Variants in NPAS3 observed in about 807,000 individuals in gnomAD.
NPAS3 encodes the protein neuronal PAS domain-containing protein 3.
A neutral mutation model predicts 73.1 loss-of-function variants in NPAS3; 14 were observed. The observed-to-expected ratio is 0.19, with a 90% CI of 0.13 to 0.30. NPAS3 has a LOEUF of 0.30. Among genes scored for constraint, NPAS3 ranks in the 10% least tolerant of loss-of-function variants. The probability of loss-of-function intolerance (pLI) is 1.00; values close to 1 mark genes in which losing one functional copy is unlikely to be tolerated. For synonymous variants in NPAS3, 620 were observed against 541.5 expected (o/e 1.14, Z -2.01); for missense variants, 1,096 against 1,250.0 (o/e 0.88, Z 1.86).
chr14:33,330,757 A>G (rs1250903992), intron 3 of NPAS3, among the ~76,000 whole-genome samples: 1 of 151,646 alleles, frequency 6.6e-6, no homozygotes, highest in Non-Finnish European at 1.5e-5. Flanking sequence ...CAGGGACTAG[A>G]TTTTTATGGA....
intron 7 of NPAS3, among the ~76,000 whole-genome samples, chr14:33,760,701 A>G (rs544687979): frequency 4.4e-5 from 6 of 136,316 alleles, no homozygotes; most frequent in African/African-American, 1.7e-4. Flanking sequence ...CCTAAACCAA[A>G]CAAGTTAAAA....
At chr14:33,599,132 T>C (rs1237958742) in intron 5 of NPAS3, among the ~76,000 whole-genome samples, 5 of 152,188 alleles carry the variant, frequency 3.3e-5, no homozygotes. Flanking sequence ...CACATTTCCA[T>C]ATTTTTGCAT....
intron 5 of NPAS3, chr14:33,560,419 C>T (rs543228198): frequency 1.1e-4 from 46 of 426,684 alleles, no homozygotes; most frequent in Non-Finnish European, 1.7e-4. Flanking sequence ...ACTTTAGTTC[C>T]GCTCCCCACC....
intron 1 of NPAS3, among the ~76,000 whole-genome samples, chr14:33,044,672 G>A (rs749102612): frequency 5.4e-5 from 8 of 148,702 alleles, no homozygotes; most frequent in African/African-American, 1.2e-4. Context: ...TTTTTTTGGC[G>A]GGGAGGGCAG....
chr14:32,997,607 C>T (rs188769145), intron 1 of NPAS3, among the ~76,000 whole-genome samples: 29 of 152,208 alleles, frequency 1.9e-4, no homozygotes, highest in Admixed American at 9.8e-4. Flanking sequence ...CAAGCTCTCT[C>T]TTTTCCTGCT....
At chr14:32,947,135 A>T (rs1403532678) in intron 1 of NPAS3, among the ~76,000 whole-genome samples, 1 of 152,206 alleles carries the variant, frequency 6.6e-6, no homozygotes, top group Non-Finnish European at 1.5e-5. Context: ...AGATTTATAA[A>T]AATAATTTTC....
intron 3 of NPAS3, among the ~76,000 whole-genome samples, chr14:33,266,554 A>G (rs2040826210): frequency 6.6e-6 from 1 of 152,190 alleles, no homozygotes; most frequent in Non-Finnish European, 1.5e-5. Flanking sequence ...AATACAATTT[A>G]ATTATTGCCT....
intron 4 of NPAS3, among the ~76,000 whole-genome samples, chr14:33,420,227 T>A (rs17101067): frequency 0.014 from 2,154 of 152,030 alleles, 49 homozygotes; most frequent in African/African-American, 0.049. Context: ...AATTTCCTCA[T>A]CCTGGTGTTT....
At chr14:33,432,704 C>G (rs1040738426) in intron 4 of NPAS3, among the ~76,000 whole-genome samples, 1 of 152,132 alleles carries the variant, frequency 6.6e-6, no homozygotes, top group Non-Finnish European at 1.5e-5. Context: ...GATTGAAACT[C>G]TATCGTTGCA....
In NPAS3 at chr14:33,496,649, A is replaced by C. The variant is rs547921432; in HGVS notation, c.469-63472A>C. Among the ~76,000 whole-genome samples the C allele has an allele frequency of 9.2e-5, 14 of 152,114 alleles. No homozygotes were observed. The South Asian group carries it at 2.9e-3, about 32-fold the overall frequency. ...GAAAAGGCCTTCGATAAAATTCAAC[A>C]CCCTTCATGCTAAAAACTCTCAATA... On this transcript the variant is annotated intron_variant, in intron 4 of 11. Transcript: ENST00000356141.
At chr14:33,535,207 A>G (rs2054209438) in intron 4 of NPAS3, among the ~76,000 whole-genome samples, 1 of 152,214 alleles carries the variant, frequency 6.6e-6, no homozygotes, top group African/African-American at 2.4e-5. Context: ...TTACTAAAAG[A>G]AATCTGGATG....
At chr14:33,011,088 G>C (rs1445983055) in intron 1 of NPAS3, among the ~76,000 whole-genome samples, 3 of 152,144 alleles carry the variant, frequency 2.0e-5, no homozygotes, top group Non-Finnish European at 4.4e-5. Context: ...AGGAATAGAT[G>C]TTTGCAAAAG....
intron 4 of NPAS3, among the ~76,000 whole-genome samples, chr14:33,388,810 A>G (rs1322598699): frequency 6.6e-6 from 1 of 152,204 alleles, no homozygotes; most frequent in Non-Finnish European, 1.5e-5. Context: ...ATACTGCTTC[A>G]TGGCAGTGGT....
chr14:33,362,457 C>G (rs1445936469), intron 3 of NPAS3, among the ~76,000 whole-genome samples: 1 of 152,190 alleles, frequency 6.6e-6, no homozygotes, highest in South Asian at 2.1e-4. Flanking sequence ...AATTGAGATT[C>G]TTCAAGGGAA....
intron 3 of NPAS3, among the ~76,000 whole-genome samples, chr14:33,334,549 A>G (rs1186974615): frequency 6.6e-6 from 1 of 152,124 alleles, no homozygotes; most frequent in Non-Finnish European, 1.5e-5. Context: ...GTTATTTTAT[A>G]TGTCTGCATG....
intron 5 of NPAS3, among the ~76,000 whole-genome samples, chr14:33,578,621 G>T (rs2056542752): frequency 6.6e-6 from 1 of 152,186 alleles, no homozygotes; most frequent in Non-Finnish European, 1.5e-5. Flanking sequence ...CTGACTGACT[G>T]AATATCTTCC....
intron 7 of NPAS3, among the ~76,000 whole-genome samples, chr14:33,743,841 G>GGA (rs2061714891): frequency 6.6e-6 from 1 of 152,214 alleles, no homozygotes; most frequent in African/African-American, 2.4e-5. Flanking sequence ...TTTATGTTAT[G>GGA]GAGATGGCTT....
chr14:33,452,599 C>T (rs1023452948), intron 4 of NPAS3, among the ~76,000 whole-genome samples: 2 of 151,528 alleles, frequency 1.3e-5, no homozygotes, highest in Admixed American at 1.3e-4. Context: ...GGTGAAACCC[C>T]GTCTCTACTA....
At position 33,003,803 on chromosome 14, in the gene NPAS3, T is replaced by C. The variant is rs555005135; in HGVS notation, c.51-52102T>C. On this transcript the variant is annotated intron_variant, in intron 1 of 11. Coordinates refer to ENST00000356141, the Ensembl canonical transcript of NPAS3. ...AAATTCAAGAATAGTGTGTGTGATT[T>C]CCTGGACTTACTTCGGGTTAAGGCA... Among the ~76,000 whole-genome samples the C allele has an allele frequency of 3.9e-5, 6 of 152,350 alleles. No homozygotes were observed. In the South Asian group the frequency reaches 1.2e-3, roughly 32 times the overall value.
Sources: gnomAD v4.1 joint callset for allele counts (sites outside exome capture counted in the v4.1 genomes callset) on GRCh38, gnomAD v4.1.1 for gene constraint, MANE v1.5 for transcripts, NCBI Gene and HGNC (gene_info 2026-07-23, HGNC 2026-07-21) for gene names.